The following MERTK variants were observed in gnomAD, a reference collection of about 807,000 sequenced individuals.
MERTK encodes tyrosine-protein kinase Mer.
MERTK carries 69 observed loss-of-function variants against 99.3 expected under a neutral mutation model. The ratio of observed to expected loss-of-function variants is 0.70; its 90% CI spans 0.57 to 0.85. The LOEUF is 0.85. Among genes scored for constraint, MERTK ranks in the 40% least tolerant of loss-of-function variants. MERTK has a pLI of 0.00. For missense variants in MERTK, 1,125 were observed against 1,249.4 expected, an observed-to-expected ratio of 0.90 and a Z score of 1.50; for synonymous variants, 426 against 467.6, an observed-to-expected ratio of 0.91 and a Z score of 1.15.
At chr2:111,978,449 TTTTGTTTG>T (rs146880586) in intron 7 of MERTK, among the ~76,000 whole-genome samples, 8 of 94,266 alleles carry the variant, frequency 8.5e-5, no homozygotes, top group African/African-American at 1.2e-4. Context: ...CCAGCATGTT[TTTTGTTTG>T]TTTGTTTGTT....
At chr2:111,903,395 G>A (rs573793381) in intron 1 of MERTK, among the ~76,000 whole-genome samples, 1 of 152,288 alleles carries the variant, frequency 6.6e-6, no homozygotes, top group South Asian at 2.1e-4. Flanking sequence ...GGAGGAGCTA[G>A]TCAATTAAAA....
chr2:112,011,476 G>A (rs533937279), intron 15 of MERTK, among the ~76,000 whole-genome samples: 1 of 152,316 alleles, frequency 6.6e-6, no homozygotes, highest in East Asian at 1.9e-4. Flanking sequence ...TTCTGCCCAG[G>A]TGCGGTGGCT....
In MERTK at chr2:111,997,307, A is replaced by G. The variant is rs748949706; in HGVS notation, c.1451-16A>G. 1.1e-5 allele frequency: 17 copies of G among 1,613,592 alleles called. No individual in the cohort carries two copies. Among genetic ancestry groups the G allele is most frequent in the Admixed American group, 3.3e-5 (2 of 60,012 alleles). ...TATATTTCAAACCCATGACTGGTCTATTGGTATCTCACCAGGTTGGGTAGA... is the reference window on the plus strand; with the variant it reads ...TATATTTCAAACCCATGACTGGTCTGTTGGTATCTCACCAGGTTGGGTAGA... On this transcript the variant is annotated splice_polypyrimidine_tract_variant and intron_variant, in intron 9 of 18. Coordinates refer to ENST00000295408, the MANE Select transcript of MERTK (RefSeq NM_006343.3).
chr2:111,966,245 A>G (rs1022977873), intron 5 of MERTK, among the ~76,000 whole-genome samples: 1 of 152,218 alleles, frequency 6.6e-6, no homozygotes, highest in African/African-American at 2.4e-5. Flanking sequence ...TTGGGTACAT[A>G]CAGAAGGAGA....
chr2:111,980,039 T>G (rs1004892451), intron 7 of MERTK, among the ~76,000 whole-genome samples: 3 of 152,206 alleles, frequency 2.0e-5, no homozygotes, highest in African/African-American at 7.2e-5. Context: ...TATAGGTGAT[T>G]GGACAGTGAC....
chr2:111,961,217 A>G (rs1279744488), intron 4 of MERTK, among the ~76,000 whole-genome samples: 1 of 129,054 alleles, frequency 7.7e-6, no homozygotes, highest in Non-Finnish European at 1.5e-5. Flanking sequence ...GCTGGAGTGC[A>G]GTGGTGTGAT....
At chr2:111,909,315 A>G (rs1684197596) in intron 1 of MERTK, among the ~76,000 whole-genome samples, 1 of 152,224 alleles carries the variant, frequency 6.6e-6, no homozygotes, top group Non-Finnish European at 1.5e-5. Context: ...GCTGGAATGT[A>G]ATGAAAGCCC....
intron 6 of MERTK, among the ~76,000 whole-genome samples, chr2:111,972,763 C>T (rs1676150088): frequency 6.6e-6 from 1 of 152,214 alleles, no homozygotes; most frequent in Non-Finnish European, 1.5e-5. Context: ...CATACCTATA[C>T]TGAAAAGTTA....
intron 15 of MERTK, among the ~76,000 whole-genome samples, chr2:112,011,560 C>A (rs1677105856): frequency 6.6e-6 from 1 of 152,052 alleles, no homozygotes; most frequent in Non-Finnish European, 1.5e-5. Flanking sequence ...ACCAGCCTGA[C>A]CAACATGGTG....
At chr2:112,020,022 G>A (rs1250837620) in intron 16 of MERTK, among the ~76,000 whole-genome samples, 2 of 152,220 alleles carry the variant, frequency 1.3e-5, no homozygotes, top group African/African-American at 2.4e-5. Flanking sequence ...TCTTCAACCT[G>A]CTTCAGCAGA....
intron 7 of MERTK, among the ~76,000 whole-genome samples, chr2:111,981,376 G>A (rs1254927706): frequency 1.3e-5 from 2 of 151,884 alleles, no homozygotes; most frequent in Non-Finnish European, 2.9e-5. Context: ...TTCCAGTGAC[G>A]AGGTAGTAAG....
chr2:111,911,234 AG>A (rs1684241800), intron 1 of MERTK, among the ~76,000 whole-genome samples: 1 of 152,138 alleles, frequency 6.6e-6, no homozygotes, highest in South Asian at 2.1e-4. Flanking sequence ...TCATATAAAT[AG>A]TATGCTTTCT....
intron 4 of MERTK, among the ~76,000 whole-genome samples, chr2:111,955,231 T>C (rs1377891051): frequency 2.0e-5 from 3 of 152,222 alleles, no homozygotes; most frequent in African/African-American, 4.8e-5. Flanking sequence ...TCCCTCTTGA[T>C]ACAAGTTTTT....
chr2:112,001,517 A>G (rs1676869277), intron 11 of MERTK, among the ~76,000 whole-genome samples: 3 of 152,326 alleles, frequency 2.0e-5, no homozygotes, highest in East Asian at 3.9e-4. Flanking sequence ...AGGACTCACA[A>G]TGTCATGAAA....
chr2:112,002,790 A>G (rs993320391), intron 11 of MERTK, among the ~76,000 whole-genome samples: 1 of 152,144 alleles, frequency 6.6e-6, no homozygotes, highest in Non-Finnish European at 1.5e-5. Flanking sequence ...CCTGGCCCAG[A>G]TGATAAAACC....
At chr2:112,027,186 C>T (rs1677481173) in intron 18 of MERTK, among the ~76,000 whole-genome samples, 1 of 151,304 alleles carries the variant, frequency 6.6e-6, no homozygotes, top group African/African-American at 2.4e-5. Context: ...TACACACACA[C>T]ACACACACAT....
At chr2:111,947,286 CAA>C in intron 3 of MERTK, 106 bp from the exon 4 acceptor site, 1 of 909,918 alleles carries the variant, frequency 1.1e-6, no homozygotes, top group Non-Finnish European at 1.7e-6. Context: ...CCGCCCCCCA[CAA>C]AAAAAGAAAT....
chr2:111,979,782 A>G (rs141962589), intron 7 of MERTK, among the ~76,000 whole-genome samples: 3 of 152,088 alleles, frequency 2.0e-5, no homozygotes, highest in Non-Finnish European at 2.9e-5. Context: ...CTGGTTCTCA[A>G]TCATAAGAGT....
chr2:111,968,048 G>T, intron 5 of MERTK, 89 bp from the exon 6 acceptor site: 1 of 909,236 alleles, frequency 1.1e-6, no homozygotes. Context: ...ACGAAAACAG[G>T]TATTAATGCA....
Sources: gnomAD v4.1 joint callset for allele counts (sites outside exome capture counted in the v4.1 genomes callset) on GRCh38, gnomAD v4.1.1 for gene constraint, MANE v1.5 for transcripts, NCBI Gene and HGNC (gene_info 2026-07-23, HGNC 2026-07-21) for gene names.